DPP10: variants seen among roughly 807,000 people sequenced by gnomAD.
DPP10 encodes dipeptidyl peptidase like 10, also known as inactive dipeptidyl peptidase 10.
Under a neutral mutation model 120.9 loss-of-function variants are expected in DPP10, and 33 were observed. That is an observed-to-expected ratio of 0.27 (90% CI 0.21 to 0.37). The LOEUF (loss-of-function observed/expected upper bound fraction) is 0.37. Among genes scored for constraint, DPP10 ranks in the 10% least tolerant of loss-of-function variants. The probability of loss-of-function intolerance (pLI) is 1.00; values close to 1 mark genes in which losing one functional copy is unlikely to be tolerated. For synonymous variants in DPP10, 337 were observed against 326.1 expected, an observed-to-expected ratio of 1.03 and a Z score of -0.36; for missense variants, 816 against 942.8, an observed-to-expected ratio of 0.87 and a Z score of 1.76.
chr2:114,453,974 C>A (rs950249004), intron 1 of DPP10, among the ~76,000 whole-genome samples: 18 of 152,120 alleles, frequency 1.2e-4, no homozygotes, highest in African/African-American at 4.3e-4. Context: ...CTTTTCTCTT[C>A]TCTCCTTGCT....
At chr2:115,403,823 G>A (rs1026208496) in intron 3 of DPP10, among the ~76,000 whole-genome samples, 1 of 152,098 alleles carries the variant, frequency 6.6e-6, no homozygotes, top group Non-Finnish European at 1.5e-5. Context: ...TTGTTGATAA[G>A]ATGATCTTAT....
intron 1 of DPP10, among the ~76,000 whole-genome samples, chr2:114,710,742 C>A (rs2105862506): frequency 6.6e-6 from 1 of 151,710 alleles, no homozygotes; most frequent in African/African-American, 2.4e-5. Context: ...AAGACTCCGT[C>A]TAAAAAAATA....
chr2:115,080,385 C>T (rs1708174816), intron 1 of DPP10, among the ~76,000 whole-genome samples: 1 of 152,102 alleles, frequency 6.6e-6, no homozygotes, highest in Admixed American at 6.5e-5. Context: ...GTTATTTCTT[C>T]CTTGTAAGCT....
chr2:115,010,030 G>A (rs1205833265), intron 1 of DPP10, among the ~76,000 whole-genome samples: 1 of 152,014 alleles, frequency 6.6e-6, no homozygotes, highest in Non-Finnish European at 1.5e-5. Context: ...GAATATTTTT[G>A]TGTTTATCTT....
At position 114,670,334 on chromosome 2, in the gene DPP10, G is replaced by A. The variant is rs186168073; in HGVS notation, c.60+227496G>A. On this transcript the variant is annotated intron_variant, in intron 1 of 25. Coordinates refer to ENST00000410059, the MANE Select transcript of DPP10 (RefSeq NM_020868.6). ...AGAAAATGTGGTACATATACACCAC[G>A]GAATACTATGCAGCCATAAAAAAGG... Among the ~76,000 whole-genome samples, 599 of 152,286 alleles carry A rather than the reference G, an allele frequency of 3.9e-3. 15 individuals carry two copies. The highest frequency in any genetic ancestry group is 0.031 in the Admixed American group (473 of 15,294).
intron 1 of DPP10, among the ~76,000 whole-genome samples, chr2:115,290,034 G>GAAAT (rs1298487088): frequency 6.6e-6 from 1 of 152,074 alleles, no homozygotes; most frequent in Non-Finnish European, 1.5e-5. Context: ...CACAGCAAAA[G>GAAAT]AAATAATCAA....
At chr2:115,495,254 A>G (rs2076331059) in intron 3 of DPP10, among the ~76,000 whole-genome samples, 2 of 149,486 alleles carry the variant, frequency 1.3e-5, no homozygotes, top group Admixed American at 1.3e-4. Context: ...ATAGTTTAGG[A>G]TTGGTGAACA....
intron 5 of DPP10, among the ~76,000 whole-genome samples, chr2:115,541,508 GA>G (rs1359220455): frequency 6.6e-6 from 1 of 151,734 alleles, no homozygotes; most frequent in African/African-American, 2.4e-5. Flanking sequence ...GAGAGAGAGA[GA>G]GAGATTTTTA....
rs144502130 is a variant in DPP10 at position 114,624,349 on chromosome 2, T to C, written c.60+181511T>C. ...TTGATTTGAAAGGGTACTGGAATTT[T>C]ATTCTCTAGGGCATAGGGGATAATC... On this transcript the variant is annotated intron_variant, in intron 1 of 25. Transcript: ENST00000410059. 5.3e-5 allele frequency among the ~76,000 whole-genome samples: 8 copies of C among 152,102 alleles called. No individual in the cohort carries two copies. In the East Asian group the frequency reaches 1.5e-3, roughly 29 times the overall value.
intron 1 of DPP10, among the ~76,000 whole-genome samples, chr2:114,719,339 T>C (rs1025358426): frequency 6.6e-6 from 1 of 152,166 alleles, no homozygotes; most frequent in African/African-American, 2.4e-5. Flanking sequence ...AGTCTCACCT[T>C]GACATTTAGT....
intron 2 of DPP10, among the ~76,000 whole-genome samples, chr2:115,322,298 C>G (rs1485114265): frequency 6.6e-6 from 1 of 152,026 alleles, no homozygotes; most frequent in African/African-American, 2.4e-5. Context: ...TCTGAAGTCT[C>G]TGTTCTTTAG....
intron 1 of DPP10, among the ~76,000 whole-genome samples, chr2:114,960,880 CTA>C (rs1698563866): frequency 6.6e-6 from 1 of 151,634 alleles, no homozygotes; most frequent in Non-Finnish European, 1.5e-5. Context: ...GTTTTGGTGG[CTA>C]TATAGCTTAA....
At chr2:115,227,892 A>G (rs1006062703) in intron 1 of DPP10, among the ~76,000 whole-genome samples, 2 of 147,334 alleles carry the variant, frequency 1.4e-5, no homozygotes, top group African/African-American at 5.0e-5. Flanking sequence ...AGTTGTATAT[A>G]TTTATGAGAT....
intron 2 of DPP10, among the ~76,000 whole-genome samples, chr2:115,336,605 A>C (rs1243251692): frequency 1.7e-4 from 25 of 147,494 alleles, no homozygotes; most frequent in African/African-American, 2.7e-4. Flanking sequence ...CTCTCTATAT[A>C]TATATATATA....
At chr2:115,380,182 A>G (rs571163259) in intron 3 of DPP10, among the ~76,000 whole-genome samples, 19 of 152,098 alleles carry the variant, frequency 1.2e-4, no homozygotes, top group African/African-American at 4.6e-4. Flanking sequence ...AATGTGTGGG[A>G]GTCTAAGTCT....
intron 4 of DPP10, among the ~76,000 whole-genome samples, chr2:115,515,487 C>A (rs2148855660): frequency 6.6e-6 from 1 of 152,008 alleles, no homozygotes; most frequent in Admixed American, 6.6e-5. Context: ...TGTGCATTGG[C>A]CATTGTTGTT....
intron 4 of DPP10, among the ~76,000 whole-genome samples, chr2:115,500,117 A>G (rs1017278853): frequency 6.6e-6 from 1 of 151,914 alleles, no homozygotes; most frequent in Non-Finnish European, 1.5e-5. Flanking sequence ...TTTCGCCAAC[A>G]TGGTTTAAAT....
intron 1 of DPP10, chr2:115,162,216 C>T (rs1215955954): frequency 2.6e-6 from 4 of 1,557,674 alleles, no homozygotes; most frequent in Non-Finnish European, 3.5e-6. Flanking sequence ...TGCGTGCGCT[C>T]CGGGGCCCGG....
intron 1 of DPP10, among the ~76,000 whole-genome samples, chr2:114,796,919 C>A (rs1043151334): frequency 4.6e-5 from 7 of 152,176 alleles, no homozygotes; most frequent in African/African-American, 1.7e-4. Context: ...TTAACCCCTT[C>A]TCTTGGCTGA....
Sources: allele counts gnomAD v4.1 joint callset (sites outside exome capture counted in the v4.1 genomes callset), GRCh38; gene constraint gnomAD v4.1.1; transcripts MANE v1.5; gene names NCBI Gene and HGNC (gene_info 2026-07-23, HGNC 2026-07-21).